Variants in KCNQ5 observed in about 807,000 individuals in gnomAD.
KCNQ5 encodes the protein potassium voltage-gated channel subfamily KQT member 5.
A neutral mutation model predicts 98.2 loss-of-function variants in KCNQ5; 30 were observed. The ratio of observed to expected loss-of-function variants is 0.31; its 90% CI spans 0.23 to 0.41. The LOEUF is 0.41. KCNQ5 is among the 10% of genes least tolerant of loss of function. KCNQ5 has a pLI of 1.00. For synonymous variants in KCNQ5, 458 were observed against 449.4 expected, an observed-to-expected ratio of 1.02 and a Z score of -0.24; for missense variants, 835 against 1,182.5, an observed-to-expected ratio of 0.71 and a Z score of 4.31.
chr6:72,875,485 A>G (rs566882118), intron 1 of KCNQ5, among the ~76,000 whole-genome samples: 2 of 152,310 alleles, frequency 1.3e-5, no homozygotes, highest in East Asian at 3.9e-4. Context: ...TTTCTCAGAT[A>G]CACATTATTT....
chr6:72,743,470 AT>A (rs1485168506), intron 1 of KCNQ5, among the ~76,000 whole-genome samples: 2 of 152,068 alleles, frequency 1.3e-5, no homozygotes, highest in Non-Finnish European at 2.9e-5. Flanking sequence ...AACCCATTTT[AT>A]TTTTATTTTA....
intron 9 of KCNQ5, chr6:73,129,730 C>A: frequency 7.2e-7 from 1 of 1,395,034 alleles, no homozygotes; most frequent in Non-Finnish European, 1.0e-6. Context: ...TAAAAGAATC[C>A]CTGAGCACTT....
At chr6:72,871,571 T>TA (rs1191236262) in intron 1 of KCNQ5, among the ~76,000 whole-genome samples, 1 of 152,234 alleles carries the variant, frequency 6.6e-6, no homozygotes, top group Non-Finnish European at 1.5e-5. Context: ...AACTCGCTTG[T>TA]AGTTGTAACA....
chr6:73,070,081 AAAG>A (rs1485690537), intron 3 of KCNQ5, among the ~76,000 whole-genome samples: 2 of 152,216 alleles, frequency 1.3e-5, no homozygotes, highest in Non-Finnish European at 2.9e-5. Flanking sequence ...GGAAGACAAT[AAAG>A]AAGGAGATGT....
intron 2 of KCNQ5, among the ~76,000 whole-genome samples, chr6:73,012,478 A>G (rs1770113238): frequency 6.6e-6 from 1 of 152,102 alleles, no homozygotes; most frequent in Non-Finnish European, 1.5e-5. Flanking sequence ...ATCAGGGAAT[A>G]GTGAGTTATT....
intron 10 of KCNQ5, among the ~76,000 whole-genome samples, chr6:73,166,101 T>G (rs947747): frequency 6.6e-6 from 1 of 151,786 alleles, no homozygotes; most frequent in Non-Finnish European, 1.5e-5. Flanking sequence ...AGCCTTCTGT[T>G]CCTCACTTTC....
In KCNQ5 at chr6:72,813,272, G is replaced by A. The variant is rs147127156; in HGVS notation, c.399-190636G>A. Among the ~76,000 whole-genome samples, 3 of 152,240 alleles carry A rather than the reference G, an allele frequency of 2.0e-5. No homozygotes were observed. In the East Asian group the frequency reaches 5.8e-4, roughly 29 times the overall value. On this transcript the variant is annotated intron_variant, in intron 1 of 13. Transcript: ENST00000370398. Reference sequence around the variant, plus strand: ...CTTATTTCCAGAATTCTCCCAGAGTGAAAGTCGTACCCTAAGAATATGTTA... The same window carrying A: ...CTTATTTCCAGAATTCTCCCAGAGTAAAAGTCGTACCCTAAGAATATGTTA...
chr6:73,072,964 C>T (rs1358205955), intron 3 of KCNQ5, among the ~76,000 whole-genome samples: 1 of 152,082 alleles, frequency 6.6e-6, no homozygotes, highest in Non-Finnish European at 1.5e-5. Context: ...TTTCTCTAGC[C>T]CCATTTTCTC....
chr6:73,149,274 C>T (rs1777047255), intron 10 of KCNQ5, among the ~76,000 whole-genome samples: 1 of 152,108 alleles, frequency 6.6e-6, no homozygotes, highest in Admixed American at 6.5e-5. Flanking sequence ...GTAATAAGAG[C>T]CAGTGTCATT....
At chr6:73,048,353 G>T (rs929350928) in intron 3 of KCNQ5, among the ~76,000 whole-genome samples, 1 of 152,164 alleles carries the variant, frequency 6.6e-6, no homozygotes, top group African/African-American at 2.4e-5. Context: ...AGCTTGGGTT[G>T]TACAAGGTGG....
chr6:72,857,437 CTGTGCAAAGACTGACTAT>C (rs1777579295), intron 1 of KCNQ5, among the ~76,000 whole-genome samples: 3 of 152,122 alleles, frequency 2.0e-5, no homozygotes, highest in African/African-American at 7.2e-5. Context: ...TCCCATTTTA[CTGTGCAAAGACTGACTAT>C]ATGCTTCTAA....
intron 13 of KCNQ5, among the ~76,000 whole-genome samples, chr6:73,193,209 C>T (rs1370875755): frequency 6.6e-6 from 1 of 151,392 alleles, no homozygotes. Context: ...TTAGTAGAGA[C>T]AGGTTTCACC....
intron 1 of KCNQ5, among the ~76,000 whole-genome samples, chr6:72,898,802 G>C (rs1052616508): frequency 6.6e-6 from 1 of 152,156 alleles, no homozygotes; most frequent in Non-Finnish European, 1.5e-5. Context: ...CAGTGTAAAA[G>C]GGTTCCTATT....
intron 1 of KCNQ5, among the ~76,000 whole-genome samples, chr6:72,860,968 A>G (rs1161578895): frequency 2.0e-5 from 3 of 152,144 alleles, no homozygotes; most frequent in African/African-American, 7.2e-5. Context: ...TCCATTTCAT[A>G]GACATTAGTA....
chr6:73,026,406 T>G lies in KCNQ5; in HGVS notation c.490-15530T>G, dbSNP rs532977543. Among the ~76,000 whole-genome samples the G allele has an allele frequency of 2.8e-4, 43 of 152,288 alleles. No individual in the cohort carries two copies. In the South Asian group the frequency reaches 8.9e-3, roughly 32 times the overall value. On this transcript the variant is annotated intron_variant, in intron 2 of 13. Transcript: ENST00000370398. ...GAGTTTTTGCACCAACTGATCCTTCTGTCTCGAAACTTCTTTCATCAGATA... is the reference window on the plus strand; with the variant it reads ...GAGTTTTTGCACCAACTGATCCTTCGGTCTCGAAACTTCTTTCATCAGATA...
At chr6:72,698,574 G>GT (rs1186142744) in intron 1 of KCNQ5, among the ~76,000 whole-genome samples, 1 of 150,688 alleles carries the variant, frequency 6.6e-6, no homozygotes, top group Non-Finnish European at 1.5e-5. Context: ...ATGTTGAAAG[G>GT]TTTTTAAATA....
intron 3 of KCNQ5, among the ~76,000 whole-genome samples, chr6:73,056,462 T>G (rs571588728): frequency 3.9e-5 from 6 of 152,290 alleles, no homozygotes; most frequent in African/African-American, 1.4e-4. Context: ...TAAGGGTTTC[T>G]CGTGGTGGTT....
intron 1 of KCNQ5, among the ~76,000 whole-genome samples, chr6:72,833,086 C>G (rs1776353914): frequency 6.6e-6 from 1 of 152,092 alleles, no homozygotes; most frequent in Admixed American, 6.6e-5. Flanking sequence ...TAAGGGATGT[C>G]TAGTTGATTC....
chr6:72,862,367 G>A (rs1125083), intron 1 of KCNQ5, among the ~76,000 whole-genome samples: 1 of 152,084 alleles, frequency 6.6e-6, no homozygotes, highest in South Asian at 2.1e-4. Context: ...GATACACTAA[G>A]AGCTGAAGAG....
Sources: gnomAD v4.1 joint callset for allele counts (sites outside exome capture counted in the v4.1 genomes callset) on GRCh38, gnomAD v4.1.1 for gene constraint, MANE v1.5 for transcripts, NCBI Gene and HGNC (gene_info 2026-07-23, HGNC 2026-07-21) for gene names.